KRTCAP3: variants seen among roughly 807,000 people sequenced by gnomAD.
KRTCAP3 encodes keratinocyte associated protein 3, also known as keratinocyte-associated protein 3.
In KRTCAP3, 18 loss-of-function variants were observed where a neutral mutation model predicts 20.5. The ratio of observed to expected loss-of-function variants is 0.88; its 90% confidence interval spans 0.61 to 1.31. The LOEUF is 1.31. Among genes scored for constraint, KRTCAP3 ranks in the 50% most tolerant of loss-of-function variants. The pLI, the probability that KRTCAP3 is intolerant of heterozygous loss-of-function variation, is 0.00. For missense variants in KRTCAP3, 347 were observed against 310.4 expected (o/e 1.12, Z -0.89); for synonymous variants, 167 against 133.7 (o/e 1.25, Z -1.72).
At chr2:27,444,420 C>T (rs772224250), downstream of KRTCAP3, 6 of 1,584,210 alleles carry the variant, frequency 3.8e-6, no homozygotes, top group Admixed American at 8.4e-5. Context: ...AACTCTTCCT[C>T]AGCTCTACCA....
downstream of KRTCAP3, chr2:27,445,949 G>T (rs186020523): frequency 1.2e-6 from 2 of 1,614,224 alleles, no homozygotes; most frequent in African/African-American, 1.3e-5. The surrounding 1 kb of genome is among the most constrained non-coding windows in gnomAD (Gnocchi z 4.4). Context: ...TCCAAAAAGC[G>T]ATTGAGGAAG....
chr2:27,445,356 A>G (rs1241985045), downstream of KRTCAP3: 1 of 1,613,270 alleles, frequency 6.2e-7, no homozygotes, highest in Non-Finnish European at 8.5e-7. The surrounding 1 kb of genome is among the most constrained non-coding windows in gnomAD (Gnocchi z 4.4). Flanking sequence ...GAGGCCTCGT[A>G]GGCGCCACGC....
At position 27,442,611 on chromosome 2, in the gene KRTCAP3, G is replaced by T; in HGVS notation, c.61G>T (p.Val21Leu). The change falls in exon 2 of 7, where the codon GTG (valine) becomes TTG (leucine). Residue 21 changes from valine to leucine, a missense_variant. By Grantham distance (32) the Val-to-Leu change is conservative. Transcript: ENST00000288873. Reference sequence around the variant, plus strand: ...CCGGGGGCCCAGGCGGCTGATGCGTGTGGGCCTCGCGCTGATCTTGGTGGG... The same window carrying T: ...CCGGGGGCCCAGGCGGCTGATGCGTTTGGGCCTCGCGCTGATCTTGGTGGG... ...AARGPRRLMRVGLALILVGHV... is the reference protein window; with the variant it reads ...AARGPRRLMRLGLALILVGHV... 2 of 1,564,036 alleles carry T rather than the reference G, an allele frequency of 1.3e-6. No homozygotes were observed. The highest frequency in any genetic ancestry group is 2.4e-5 in the South Asian group (2 of 82,944).
Position 27,442,474 on chromosome 2 carries a change from C to G in KRTCAP3, c.28+34C>G, listed in dbSNP as rs763077298. On this transcript the variant is annotated intron_variant, in intron 1 of 6. Transcript: ENST00000288873. ...CGGGCCCTGGCGTCTCGTCTCCTTA[C>G]CCTGGGGCTACCCTTGCCCCGTCCT... 8.3e-6 allele frequency: 13 copies of G among 1,560,376 alleles called. No individual in the cohort carries two copies. The East Asian group carries it at 3.1e-4, about 37-fold the overall frequency.
intron 1 of KRTCAP3, 41 bp downstream of exon 1, chr2:27,442,481 G>T: frequency 1.3e-6 from 2 of 1,556,418 alleles, no homozygotes; most frequent in Non-Finnish European, 1.7e-6. Context: ...TTACCCTGGG[G>T]CTACCCTTGC....
downstream of KRTCAP3, chr2:27,445,812 T>C (rs754517347): frequency 4.3e-6 from 7 of 1,614,024 alleles, no homozygotes; most frequent in Non-Finnish European, 5.1e-6. This position sits in a 1 kb window ranked among gnomAD's most constrained non-coding sequence, Gnocchi z 4.4. Context: ...ATCAGAGTGG[T>C]CAAGGCCATC....
chr2:27,445,575 C>T, downstream of KRTCAP3: 1 of 1,312,080 alleles, frequency 7.6e-7, no homozygotes, highest in Non-Finnish European at 1.0e-6. The surrounding 1 kb of genome is among the most constrained non-coding windows in gnomAD (Gnocchi z 4.4). Flanking sequence ...ACGAATCCTC[C>T]TTGGATTGGG....
At chr2:27,444,651 T>G (rs1332064001), downstream of KRTCAP3, 2 of 686,030 alleles carry the variant, frequency 2.9e-6, no homozygotes, top group Non-Finnish European at 4.7e-6. Context: ...TGTATGTGGG[T>G]TTTTTGTTTG....
intron 1 of KRTCAP3, 58 bp downstream of exon 1, chr2:27,442,498 C>G (rs1446843732): frequency 6.5e-7 from 1 of 1,543,730 alleles, no homozygotes; most frequent in Admixed American, 2.0e-5. Context: ...TTGCCCCGTC[C>G]TACTGCCCGC....
Position 27,442,424 on chromosome 2 carries a change from C to T in KRTCAP3, c.12C>T (p.Cys4=), listed in dbSNP as rs558074328. Residue 4 remains cysteine, a synonymous_variant, in exon 1 of 7, where the codon TGC becomes TGT. Coordinates refer to ENST00000288873, the MANE Select transcript of KRTCAP3 (RefSeq NM_173853.4). Reference sequence around the variant, plus strand: ...GCGCGGCGGACGGGATGAGGCGCTGCAGTCTCTGCGCTTTCGGTAACTTCC... The same window carrying T: ...GCGCGGCGGACGGGATGAGGCGCTGTAGTCTCTGCGCTTTCGGTAACTTCC... MRR[C]SLCAFDAARG... 7 of 1,566,876 alleles carry T rather than the reference C, an allele frequency of 4.5e-6. No homozygotes were observed. The South Asian group carries it at 7.0e-5, about 16-fold the overall frequency.
chr2:27,444,846 A>C (rs1664901299), downstream of KRTCAP3, among the ~76,000 whole-genome samples: 1 of 152,072 alleles, frequency 6.6e-6, no homozygotes, highest in Non-Finnish European at 1.5e-5. Flanking sequence ...CGAGGTTTTA[A>C]CCATGTTGGC....
downstream of KRTCAP3, chr2:27,445,126 ATGAACTGGGG>A (rs1298361077): frequency 6.2e-7 from 1 of 1,613,612 alleles, no homozygotes; most frequent in East Asian, 2.2e-5. This position sits in a 1 kb window ranked among gnomAD's most constrained non-coding sequence, Gnocchi z 4.4. Flanking sequence ...AGAAAAAATG[ATGAACTGGGG>A]TTTGAGAGAG....
In KRTCAP3 at chr2:27,442,381, ACAG is replaced by A; in HGVS notation, c.-30_-28del. 6.5e-7 allele frequency: 1 copy of A among 1,543,288 alleles called. No homozygotes were observed. The highest frequency in any genetic ancestry group is 8.7e-7 in the Non-Finnish European group (1 of 1,144,756). On this transcript the variant is annotated 5_prime_UTR_variant, in exon 1 of 7. Transcript: ENST00000288873. ...GGTTGGGGCGGGGCCGGGCCCAGGT[ACAG>A]CGGCCCTGCGGCTGGCGCGGCGGAC...
chr2:27,444,406 C>G, downstream of KRTCAP3: 3 of 1,432,408 alleles, frequency 2.1e-6, no homozygotes, highest in Non-Finnish European at 2.9e-6. Flanking sequence ...GAGGGAGAGG[C>G]CCTAACTCTT....
Position 27,443,125 on chromosome 2 carries a change from T to C in KRTCAP3, c.325T>C (p.Cys109Arg). 5 of 1,614,128 alleles carry C rather than the reference T, an allele frequency of 3.1e-6. No homozygotes were observed. The highest frequency in any genetic ancestry group is 4.2e-6 in the Non-Finnish European group (5 of 1,180,026). Reference sequence around the variant, plus strand: ...GGTGAACCTGCTCTTGTCCGTTGCCTGCTCCCTGGGCCTCCTTCTTGCTGT... The same window carrying C: ...GGTGAACCTGCTCTTGTCCGTTGCCCGCTCCCTGGGCCTCCTTCTTGCTGT... Reference protein sequence around the residue: ...ALVNLLLSVACSLGLLLAVSL... With the variant: ...ALVNLLLSVARSLGLLLAVSL... Residue 109 changes from cysteine (C) to arginine (R), a missense_variant, in exon 4 of 7, where the codon TGC becomes CGC. Cys to Arg is a radical substitution (Grantham distance 180). Coordinates refer to ENST00000288873, the MANE Select transcript of KRTCAP3 (RefSeq NM_173853.4).
chr2:27,446,368 T>G, downstream of KRTCAP3: 1 of 1,613,318 alleles, frequency 6.2e-7, no homozygotes, highest in Non-Finnish European at 8.5e-7. Flanking sequence ...GGGATTAAAG[T>G]CAAAGCATTA....
downstream of KRTCAP3, chr2:27,446,406 A>G (rs1217880195): frequency 3.3e-6 from 5 of 1,513,124 alleles, no homozygotes; most frequent in Non-Finnish European, 4.6e-6. Flanking sequence ...TGACTGAGCT[A>G]CCAGACCAAT....
rs748886524 is a variant in KRTCAP3, at chr2:27,442,428, C to G, written c.16C>G (p.Leu6Val). The G allele has an allele frequency of 3.2e-6, 5 of 1,568,986 alleles. No homozygotes were observed. In the East Asian group the frequency reaches 9.5e-5, roughly 30 times the overall value. MRRCS[L>V]CAFDAARGPR... ...GGCGGACGGGATGAGGCGCTGCAGT[C>G]TCTGCGCTTTCGGTAACTTCCGGGC... is the stretch of plus-strand genomic sequence containing the variant. Residue 6 changes from leucine (L) to valine (V), a missense_variant, in exon 1 of 7, where the codon CTC (leucine) becomes GTC (valine). Physicochemically the swap from Leu to Val is conservative, Grantham distance 32. Transcript: ENST00000288873.
At chr2:27,446,047 C>G, downstream of KRTCAP3, 1 of 1,598,026 alleles carries the variant, frequency 6.3e-7, no homozygotes, top group South Asian at 1.1e-5. Context: ...TGCTACTTCT[C>G]TGGGATCCAG....
Sources: allele counts gnomAD v4.1 joint callset (sites outside exome capture counted in the v4.1 genomes callset), GRCh38; gene constraint gnomAD v4.1.1; non-coding constraint Gnocchi (gnomAD v3.1); transcripts MANE v1.5; gene names NCBI Gene and HGNC (gene_info 2026-07-23, HGNC 2026-07-21).